POTEB3: variants seen among roughly 807,000 people sequenced by gnomAD.
The protein encoded by POTEB3 is POTE ankyrin domain family member B3, also known as ANKRD26-like family B member 1.
In POTEB3, 5 loss-of-function variants were observed where a neutral mutation model predicts 39.8. The ratio of observed to expected loss-of-function variants is 0.13; its 90% CI spans 0.07 to 0.26. The LOEUF is 0.26. POTEB3 is among the 10% of genes least tolerant of loss of function. POTEB3 has a pLI of 1.00. For synonymous variants in POTEB3, 5 were observed against 161.5 expected (o/e 0.03, Z 7.35); for missense variants, 24 against 475.6 (o/e 0.05, Z 8.83).
At chr15:21,430,813 A>G (rs1396411328) in intron 4 of POTEB3, among the ~76,000 whole-genome samples, 1 of 151,682 alleles carries the variant, frequency 6.6e-6, no homozygotes, top group Non-Finnish European at 1.5e-5. Context: ...TGAAAGCAGT[A>G]ATATTAATAA....
At chr15:21,426,366 A>T (rs202245990) in intron 6 of POTEB3, 2 of 329,236 alleles carry the variant, frequency 6.1e-6, no homozygotes, top group African/African-American at 4.6e-5. Context: ...AATCATAATT[A>T]TAAGCTTCCA....
At chr15:21,417,977 CACTG>C (rs1898436697) in intron 9 of POTEB3, among the ~76,000 whole-genome samples, 1 of 104,682 alleles carries the variant, frequency 9.6e-6, no homozygotes, top group Non-Finnish European at 1.8e-5. Flanking sequence ...AAATCCAGGC[CACTG>C]ACTGTTTTTG....
At chr15:21,428,458 C>T (rs1183452106) in intron 5 of POTEB3, among the ~76,000 whole-genome samples, 1,480 of 134,588 alleles carry the variant, frequency 0.011, no homozygotes, top group Non-Finnish European at 0.015. Flanking sequence ...TCCACTATTA[C>T]GGAGTTGACC....
At chr15:21,433,912 C>A (rs1268193431) in intron 3 of POTEB3, among the ~76,000 whole-genome samples, 3 of 151,036 alleles carry the variant, frequency 2.0e-5, no homozygotes, top group African/African-American at 7.4e-5. Context: ...TAAAATTGAT[C>A]TCTAGGCAGT....
chr15:21,424,974 T>C (rs1898624490), intron 6 of POTEB3: 4 of 147,328 alleles, frequency 2.7e-5, no homozygotes, highest in Admixed American at 2.0e-4. Flanking sequence ...GCAAAACAAA[T>C]GAAAAAAGCA....
At chr15:21,429,274 G>A (rs2141364775) in intron 5 of POTEB3, among the ~76,000 whole-genome samples, 1 of 151,810 alleles carries the variant, frequency 6.6e-6, no homozygotes, top group Non-Finnish European at 1.5e-5. Flanking sequence ...GTTCTACACA[G>A]GATATAAAGG....
At position 21,432,434 on chromosome 15, in the gene POTEB3, A is replaced by ATAG. The variant is rs1460080320; in HGVS notation, c.811-590_811-589insCTA. 3.8e-3 allele frequency among the ~76,000 whole-genome samples: 327 copies of ATAG among 86,392 alleles called. 43 individuals carry two copies. Among genetic ancestry groups the ATAG allele is most frequent in the African/African-American group, 0.013 (315 of 24,882 alleles). 56.7% of individuals were successfully genotyped at this position (86,392 alleles called of 152,430 possible). Reference sequence around the variant, plus strand: ...AGTTCATAGGATTACTGAAACTAAGAGATTTCCTATCTGTATTCTTAATAA... The same window carrying ATAG: ...AGTTCATAGGATTACTGAAACTAAGATAGGATTTCCTATCTGTATTCTTAATAA... On this transcript the variant is annotated intron_variant, in intron 3 of 10. Transcript: ENST00000611217.
chr15:21,439,887 T>C lies in POTEB3; in HGVS notation c.125A>G (p.Asn42Ser), dbSNP rs1464111710. ...FPCCRGSGKS[N>S]MGTSGDHDDS... ...GTCGTGGTCTCCAGAAGTGCCCATG[T>C]TGCTCTTGCCGCTCCCCCTGCAGCA... is the stretch of plus-strand genomic sequence containing the variant. Residue 42 changes from asparagine to serine, a missense_variant, in exon 1 of 11, where the codon AAC becomes AGC. Transcript: ENST00000611217. 6.5e-7 allele frequency: 1 copy of C among 1,547,598 alleles called. No individual in the cohort carries two copies. The highest frequency in any genetic ancestry group is 8.8e-7 in the Non-Finnish European group (1 of 1,130,636).
intron 4 of POTEB3, among the ~76,000 whole-genome samples, chr15:21,430,892 T>C (rs1188669248): frequency 6.6e-6 from 1 of 151,898 alleles, no homozygotes; most frequent in Non-Finnish European, 1.5e-5. Context: ...ACGCACTGAA[T>C]TAAATGCCAC....
intron 3 of POTEB3, among the ~76,000 whole-genome samples, chr15:21,433,420 G>A (rs1330677640): frequency 2.7e-5 from 4 of 149,734 alleles, no homozygotes; most frequent in South Asian, 2.1e-4. Flanking sequence ...ACATATCCAG[G>A]CTTTATTAGA....
At chr15:21,424,833 T>C (rs1234718083) in intron 6 of POTEB3, among the ~76,000 whole-genome samples, 3 of 149,648 alleles carry the variant, frequency 2.0e-5, no homozygotes, top group Non-Finnish European at 4.5e-5. Context: ...CTAAATCATA[T>C]TGACTATACC....
In POTEB3 at chr15:21,410,029, T is replaced by C. The variant is rs1171043759; in HGVS notation, c.1534-834A>G. On this transcript the variant is annotated intron_variant, in intron 10 of 10. Coordinates refer to ENST00000611217, the MANE Select transcript of POTEB3 (RefSeq NM_207355.5). ...TATATATATGCAACGTGCAAGATTTTTGCCAGGTCTTCTGATGCTACTGCT... is the reference window on the plus strand; with the variant it reads ...TATATATATGCAACGTGCAAGATTTCTGCCAGGTCTTCTGATGCTACTGCT... Among the ~76,000 whole-genome samples, 2 of 96,804 alleles carry C rather than the reference T, an allele frequency of 2.1e-5. 1 individual carries two copies. The highest frequency in any genetic ancestry group is 5.6e-4 in the East Asian group (2 of 3,600). 63.5% of individuals were successfully genotyped at this position (96,804 alleles called of 152,430 possible). A position where few individuals can be genotyped will look rare whatever the true frequency, so the allele number is the denominator to read the frequency against.
chr15:21,424,942 T>C lies in POTEB3; in HGVS notation c.1126+2743A>G, dbSNP rs1315636007. ...AAAAGCCTTCCAACTATTAATGTTA[T>C]TTCTCACATGAAAAAAATTAAGCAA... On this transcript the variant is annotated intron_variant, in intron 6 of 10. Transcript: ENST00000611217. The C allele has an allele frequency of 1.6e-3, 237 of 146,792 alleles. 12 individuals are homozygous for C. Among genetic ancestry groups the C allele is most frequent in the African/African-American group, 5.7e-3 (225 of 39,314 alleles). 9.1% of individuals were successfully genotyped at this position (146,792 alleles called of 1,614,324 possible).
Position 21,411,049 on chromosome 15 carries a change from TG to T in POTEB3, c.1410-49del. The stretch of plus-strand genomic sequence containing the variant: ...TGAAATACTGGAGGTGTCCCTAAAA[TG>T]ATCTACAGGACAAGATGGCACCATC... On this transcript the variant is annotated intron_variant, in intron 9 of 10. Transcript: ENST00000611217. 1.9e-6 allele frequency: 2 copies of T among 1,066,012 alleles called. 1 individual carries two copies. Among genetic ancestry groups the T allele is most frequent in the East Asian group, 8.1e-5 (2 of 24,686 alleles). 66.0% of individuals were successfully genotyped at this position (1,066,012 alleles called of 1,614,324 possible).
intron 6 of POTEB3, among the ~76,000 whole-genome samples, chr15:21,422,895 C>T (rs1349410801): frequency 3.4e-5 from 5 of 148,310 alleles, no homozygotes; most frequent in Non-Finnish European, 7.5e-5. Context: ...CAGGGCTCAG[C>T]TTTTTGATGC....
chr15:21,413,506 TTATATATATATATATATA>T (rs1160375320), intron 9 of POTEB3, among the ~76,000 whole-genome samples: 6 of 1,452 alleles, frequency 4.1e-3, no homozygotes, highest in East Asian at 0.033. Flanking sequence ...ATAAAGAAAA[TTATATATATATATATATA>T]TATATATATA....
At chr15:21,414,371 C>A (rs1360250500) in intron 9 of POTEB3, among the ~76,000 whole-genome samples, 9 of 124,494 alleles carry the variant, frequency 7.2e-5, no homozygotes, top group African/African-American at 2.4e-4. Flanking sequence ...TTCATCTTGA[C>A]CAAAATTTTA....
rs111828162 is a variant in POTEB3, at chr15:21,410,745, A to G, written c.1533+133T>C. The G allele has an allele frequency of 5.4e-4, 293 of 540,554 alleles. 21 individuals are homozygous for G. The highest frequency in any genetic ancestry group is 1.7e-3 in the Admixed American group (40 of 23,680). 33.5% of individuals were successfully genotyped at this position (540,554 alleles called of 1,614,324 possible). On this transcript the variant is annotated intron_variant, in intron 10 of 10. Coordinates refer to ENST00000611217, the MANE Select transcript of POTEB3 (RefSeq NM_207355.5). ...ACAGGGGGTGTGTGTGTGTGTGTGT[A>G]TATATACACACACACAGACACACAC... is the stretch of plus-strand genomic sequence containing the variant.
intron 6 of POTEB3, among the ~76,000 whole-genome samples, chr15:21,422,815 C>T (rs1431602320): frequency 6.6e-6 from 1 of 151,458 alleles, no homozygotes; most frequent in African/African-American, 2.4e-5. Context: ...GCAAAACTGT[C>T]ACTATATGAT....
Sources: allele counts gnomAD v4.1 joint callset (sites outside exome capture counted in the v4.1 genomes callset), GRCh38; gene constraint gnomAD v4.1.1; transcripts MANE v1.5; gene names NCBI Gene and HGNC (gene_info 2026-07-23, HGNC 2026-07-21).